The following UNC80 variants were observed in gnomAD, a reference collection of about 807,000 sequenced individuals.
UNC80 encodes protein unc-80 homolog.
Under a neutral mutation model 384.6 loss-of-function variants are expected in UNC80, and 164 were observed. The ratio of observed to expected loss-of-function variants is 0.43; its 90% CI spans 0.38 to 0.49. The LOEUF (loss-of-function observed/expected upper bound fraction) is 0.49, where lower values mean the gene tolerates loss of function less well. UNC80 is among the 20% of genes least tolerant of loss of function. The probability of loss-of-function intolerance (pLI) is 0.00; values close to 1 mark genes in which losing one functional copy is unlikely to be tolerated. For missense variants in UNC80, 3,330 were observed against 4,143.0 expected (o/e 0.80, Z 5.39); for synonymous variants, 1,486 against 1,527.8 (o/e 0.97, Z 0.64).
chr2:209,927,151 C>T (rs2090499221), intron 36 of UNC80, among the ~76,000 whole-genome samples, 165 bp downstream of exon 36: 2 of 152,324 alleles, frequency 1.3e-5, no homozygotes, highest in South Asian at 2.1e-4. Context: ...CAGTATCACT[C>T]TCTCCACCTC....
intron 7 of UNC80, among the ~76,000 whole-genome samples, chr2:209,807,762 G>A (rs1019245728): frequency 5.9e-5 from 9 of 152,094 alleles, no homozygotes; most frequent in Non-Finnish European, 1.2e-4. Context: ...TACTTTGATC[G>A]TACCTGATAA....
At chr2:209,930,900 A>C (rs1004832148) in intron 37 of UNC80, 68 bp from the exon 38 acceptor site, 2 of 1,177,140 alleles carry the variant, frequency 1.7e-6, no homozygotes, top group Non-Finnish European at 2.4e-6. Context: ...CGAATTTTCA[A>C]GAAGTTAATT....
At chr2:209,912,484 A>T in intron 29 of UNC80, 76 bp from the exon 30 acceptor site, 1 of 854,642 alleles carries the variant, frequency 1.2e-6, no homozygotes. Context: ...TTGCCTGGAG[A>T]ATTGCGGGGA....
chr2:209,944,648 G>T (rs745440645), intron 45 of UNC80, among the ~76,000 whole-genome samples: 16 of 152,080 alleles, frequency 1.1e-4, no homozygotes, highest in Non-Finnish European at 2.2e-4. Flanking sequence ...TATCAAAGAA[G>T]ACCTGTGAAA....
intron 39 of UNC80, among the ~76,000 whole-genome samples, chr2:209,935,443 G>A (rs1322324297): frequency 2.0e-5 from 3 of 151,992 alleles, no homozygotes; most frequent in Non-Finnish European, 4.4e-5. Context: ...ACAACATGGC[G>A]AAACCTCGTC....
chr2:209,871,900 C>T (rs2084332152), intron 22 of UNC80, among the ~76,000 whole-genome samples: 1 of 150,098 alleles, frequency 6.7e-6, no homozygotes, highest in African/African-American at 2.5e-5. Flanking sequence ...CAATTAATCT[C>T]CTCTTTATCA....
intron 4 of UNC80, among the ~76,000 whole-genome samples, chr2:209,781,096 G>A (rs2153824898): frequency 6.6e-6 from 1 of 152,168 alleles, no homozygotes; most frequent in South Asian, 2.1e-4. Flanking sequence ...TATAAGACAT[G>A]GTGCTATAGG....
intron 23 of UNC80, among the ~76,000 whole-genome samples, chr2:209,874,997 C>G (rs543356600): frequency 1.3e-5 from 2 of 152,164 alleles, no homozygotes; most frequent in African/African-American, 4.8e-5. Context: ...GTCACTGAAG[C>G]CCCTTAGGCC....
At chr2:209,922,491 G>T in intron 35 of UNC80, 108 bp downstream of exon 35, 1 of 1,259,750 alleles carries the variant, frequency 7.9e-7, no homozygotes, top group Non-Finnish European at 1.0e-6. Flanking sequence ...TAAATAACTT[G>T]TCTCATGACT....
chr2:209,992,345 C>T (rs956531857), intron 62 of UNC80, 98 bp downstream of exon 62: 70 of 1,184,656 alleles, frequency 5.9e-5, no homozygotes, highest in East Asian at 1.6e-4. Flanking sequence ...TGCTGCTGGA[C>T]GTGCCCGGAA....
intron 7 of UNC80, among the ~76,000 whole-genome samples, chr2:209,798,926 C>T (rs1018082088): frequency 2.7e-5 from 4 of 149,882 alleles, no homozygotes; most frequent in African/African-American, 4.9e-5. Context: ...CCTTGTGATC[C>T]GCCCACCTCG....
rs1416027372 is a variant in UNC80, at chr2:209,954,136, A to G, written c.7323A>G (p.Pro2441=). 21 of 1,550,886 alleles carry G rather than the reference A, an allele frequency of 1.4e-5. No individual in the cohort carries two copies. Among genetic ancestry groups the G allele is most frequent in the Admixed American group, 3.9e-5 (2 of 50,952 alleles). Residue 2441 remains proline, a synonymous_variant, in exon 48 of 65, where the codon CCA becomes CCG. Coordinates refer to ENST00000673920, the MANE Select transcript of UNC80 (RefSeq NM_001371986.1). ...TGATGGTCTTAGAAGCCTTAGTTCCATGTTACCTACAAAAGCTAAAGAGGC... is the reference window on the plus strand; with the variant it reads ...TGATGGTCTTAGAAGCCTTAGTTCCGTGTTACCTACAAAAGCTAAAGAGGC... ...QMLMVLEALV[P]CYLQKLKRQT...
intron 53 of UNC80, 189 bp downstream of exon 53, chr2:209,970,080 C>T (rs2092838609): frequency 4.4e-6 from 3 of 685,174 alleles, no homozygotes; most frequent in Non-Finnish European, 7.1e-6. Context: ...AGGAACCCAT[C>T]CCTACACAGA....
At chr2:209,878,550 TTATAG>T (rs1365183104) in intron 24 of UNC80, among the ~76,000 whole-genome samples, 2 of 152,188 alleles carry the variant, frequency 1.3e-5, no homozygotes, top group Non-Finnish European at 2.9e-5. Flanking sequence ...ACAGAGTATA[TTATAG>T]TATTTAACAT....
intron 13 of UNC80, among the ~76,000 whole-genome samples, chr2:209,822,366 A>G (rs1260430518): frequency 2.0e-5 from 3 of 152,204 alleles, no homozygotes; most frequent in Non-Finnish European, 1.5e-5. Flanking sequence ...ATATGCTAAG[A>G]TCTAAAGAAT....
intron 55 of UNC80, 142 bp downstream of exon 55, chr2:209,972,466 A>C (rs1256914514): frequency 4.0e-6 from 5 of 1,235,862 alleles, no homozygotes; most frequent in Non-Finnish European, 5.5e-6. Flanking sequence ...CTTAGGAAAT[A>C]AGAGTTTTTC....
At chr2:209,962,852 G>A (rs772564793) in intron 51 of UNC80, among the ~76,000 whole-genome samples, 2 of 152,174 alleles carry the variant, frequency 1.3e-5, no homozygotes, top group South Asian at 4.1e-4. Context: ...ATGTGTAAAA[G>A]TTGGAGCTTA....
Position 209,976,156 on chromosome 2 carries a change from C to A in UNC80, c.8625C>A (p.Leu2875=). The A allele has an allele frequency of 6.4e-7, 1 of 1,551,570 alleles. No individual in the cohort carries two copies. The highest frequency in any genetic ancestry group is 8.7e-7 in the Non-Finnish European group (1 of 1,146,972). ...KVILVCFERQ[L]GSQWYWLSLQ... is the part of the protein sequence containing the mutation. ...TTCTCGTCTGCTTTGAGAGGCAGCT[C>A]GGAAGCCAGTGGTACTGGCTGAGCC... Residue 2875 remains leucine (L), a synonymous_variant, in exon 57 of 65, where the codon CTC becomes CTA. Transcript: ENST00000673920. This position sits in a 1 kb window ranked among gnomAD's most constrained non-coding sequence, Gnocchi z 4.3.
At chr2:209,900,203 T>C (rs972847829) in intron 28 of UNC80, among the ~76,000 whole-genome samples, 4 of 152,228 alleles carry the variant, frequency 2.6e-5, no homozygotes, top group South Asian at 2.1e-4. Context: ...TGTACTTTAC[T>C]CTACTGTGCT....
Sources: gnomAD v4.1 joint callset for allele counts (sites outside exome capture counted in the v4.1 genomes callset) on GRCh38, gnomAD v4.1.1 for gene constraint, Gnocchi (gnomAD v3.1) non-coding constraint, MANE v1.5 for transcripts, NCBI Gene and HGNC (gene_info 2026-07-23, HGNC 2026-07-21) for gene names.